Variants in KHDRBS2 observed in about 807,000 individuals in gnomAD.
KHDRBS2 encodes KH domain-containing, RNA-binding, signal transduction-associated protein 2.
KHDRBS2 carries 26 observed loss-of-function variants against 44.3 expected under a neutral mutation model. The observed-to-expected ratio is 0.59, with a 90% CI of 0.43 to 0.81. The LOEUF is 0.81. Among genes scored for constraint, KHDRBS2 ranks in the 40% least tolerant of loss-of-function variants. The pLI, the probability that KHDRBS2 is intolerant of heterozygous loss-of-function variation, is 0.00. For missense variants in KHDRBS2, 476 were observed against 433.1 expected, an observed-to-expected ratio of 1.10 and a Z score of -0.88; for synonymous variants, 194 against 151.1, an observed-to-expected ratio of 1.28 and a Z score of -2.08.
chr6:61,936,035 T>A (rs1211224092), intron 4 of KHDRBS2, among the ~76,000 whole-genome samples: 1 of 152,112 alleles, frequency 6.6e-6, no homozygotes, highest in South Asian at 2.1e-4. Flanking sequence ...CTCTATTCTA[T>A]CATCTGTCTA....
intron 4 of KHDRBS2, among the ~76,000 whole-genome samples, chr6:61,938,952 T>C (rs1160135765): frequency 6.6e-6 from 1 of 152,154 alleles, no homozygotes; most frequent in Non-Finnish European, 1.5e-5. Context: ...CTCCTATTCA[T>C]GTTCATCAGT....
At chr6:61,548,028 T>C in the KHDRBS2 span, among the ~76,000 whole-genome samples, 1 of 152,148 alleles carries the variant, frequency 6.6e-6, no homozygotes, top group Non-Finnish European at 1.5e-5. Flanking sequence ...CAACTCTGAC[T>C]GATCATTCCA....
chr6:61,570,665 A>C, the KHDRBS2 span, among the ~76,000 whole-genome samples: 2 of 152,190 alleles, frequency 1.3e-5, no homozygotes, highest in African/African-American at 4.8e-5. Context: ...AAGAGCTGTG[A>C]GACAAAAGTA....
At position 61,851,225 on chromosome 6, in the gene KHDRBS2, A is replaced by G. The variant is rs574949036; in HGVS notation, c.810+43410T>C. On this transcript the variant is annotated intron_variant, in intron 6 of 8. Coordinates refer to ENST00000281156, the MANE Select transcript of KHDRBS2 (RefSeq NM_152688.4). ...TATATATATACACACACACATATAT[A>G]TGTGTATATATGTATATACGTGTGT... Among the ~76,000 whole-genome samples the G allele has an allele frequency of 4.0e-5, 6 of 151,862 alleles. No homozygotes were observed. In the South Asian group the frequency reaches 1.2e-3, roughly 32 times the overall value.
intron 2 of KHDRBS2, among the ~76,000 whole-genome samples, chr6:62,082,310 GGTGTGT>G (rs142069290): frequency 6.0e-5 from 9 of 149,038 alleles, no homozygotes; most frequent in Non-Finnish European, 1.2e-4. Context: ...AATACACACT[GGTGTGT>G]GTGTGTGTGT....
At chr6:61,922,250 G>A (rs1322599360) in intron 4 of KHDRBS2, among the ~76,000 whole-genome samples, 3 of 151,978 alleles carry the variant, frequency 2.0e-5, no homozygotes, top group African/African-American at 4.8e-5. Flanking sequence ...TGGACATCAG[G>A]CAACTAAGGC....
chr6:61,676,307 T>G (rs922614693), downstream of KHDRBS2, among the ~76,000 whole-genome samples: 3 of 151,990 alleles, frequency 2.0e-5, no homozygotes, highest in African/African-American at 7.2e-5. Flanking sequence ...TATATATAAT[T>G]ATATTTTTCT....
intron 7 of KHDRBS2, among the ~76,000 whole-genome samples, chr6:61,711,481 A>G (rs1562008183): frequency 6.6e-6 from 1 of 151,898 alleles, no homozygotes; most frequent in East Asian, 1.9e-4. Context: ...AAAAAAATCA[A>G]TTGTGAAAAC....
chr6:61,823,170 G>C (rs1790252202), intron 6 of KHDRBS2, among the ~76,000 whole-genome samples: 1 of 151,922 alleles, frequency 6.6e-6, no homozygotes, highest in African/African-American at 2.4e-5. Context: ...CCATGAGAAT[G>C]CTTTAATATT....
intron 6 of KHDRBS2, among the ~76,000 whole-genome samples, chr6:61,767,021 C>G (rs1780112725): frequency 6.6e-6 from 1 of 151,978 alleles, no homozygotes; most frequent in African/African-American, 2.4e-5. Context: ...GATTTTCTGT[C>G]TGAATGATCT....
intron 2 of KHDRBS2, among the ~76,000 whole-genome samples, chr6:62,084,059 A>G (rs2127357569): frequency 6.6e-6 from 1 of 152,076 alleles, no homozygotes; most frequent in Non-Finnish European, 1.5e-5. Context: ...CCTTTCTTGT[A>G]CTCCTCCAAT....
the KHDRBS2 span, among the ~76,000 whole-genome samples, chr6:61,567,189 T>C: frequency 6.6e-6 from 1 of 152,294 alleles, no homozygotes; most frequent in Non-Finnish European, 1.5e-5. Context: ...GAGAAAGATA[T>C]TTCTGGGTTG....
At chr6:62,124,585 C>T (rs1190561552) in intron 2 of KHDRBS2, among the ~76,000 whole-genome samples, 4 of 69,978 alleles carry the variant, frequency 5.7e-5, no homozygotes, top group African/African-American at 2.1e-4. Flanking sequence ...CTGAACTATA[C>T]TACACACACA....
the KHDRBS2 span, among the ~76,000 whole-genome samples, chr6:61,674,670 T>C: frequency 2.0e-5 from 3 of 151,702 alleles, no homozygotes; most frequent in Non-Finnish European, 4.4e-5. Context: ...ACTATACAAT[T>C]CAGTATTTTC....
intron 3 of KHDRBS2, among the ~76,000 whole-genome samples, chr6:62,030,684 G>T (rs1457238759): frequency 6.6e-6 from 1 of 152,002 alleles, no homozygotes; most frequent in African/African-American, 2.4e-5. Flanking sequence ...CGAAACATTA[G>T]TACTTTCTAA....
intron 3 of KHDRBS2, among the ~76,000 whole-genome samples, chr6:61,981,461 A>T (rs1773828785): frequency 1.3e-5 from 2 of 148,892 alleles, no homozygotes; most frequent in South Asian, 4.3e-4. Flanking sequence ...AAAAAAAAAA[A>T]ACTGAGTTTT....
intron 6 of KHDRBS2, among the ~76,000 whole-genome samples, chr6:61,869,850 C>T (rs9363376): frequency 6.6e-6 from 1 of 152,242 alleles, no homozygotes; most frequent in East Asian, 1.9e-4. Context: ...TTCCCACGGT[C>T]TTCACAACCT....
At chr6:62,049,614 A>G (rs1159060151) in intron 2 of KHDRBS2, among the ~76,000 whole-genome samples, 1 of 151,798 alleles carries the variant, frequency 6.6e-6, no homozygotes, top group East Asian at 1.9e-4. Context: ...TTGTGATGAT[A>G]TTTCTTTTCT....
intron 2 of KHDRBS2, among the ~76,000 whole-genome samples, chr6:62,118,331 T>G (rs1339374071): frequency 6.6e-6 from 1 of 152,214 alleles, no homozygotes; most frequent in Non-Finnish European, 1.5e-5. Flanking sequence ...GGTAGTGTGA[T>G]GTCTACATGT....
Sources: gnomAD v4.1 joint callset for allele counts (sites outside exome capture counted in the v4.1 genomes callset) on GRCh38, gnomAD v4.1.1 for gene constraint, MANE v1.5 for transcripts, NCBI Gene and HGNC (gene_info 2026-07-23, HGNC 2026-07-21) for gene names.